The following DOCK1 variants were observed in gnomAD, a reference collection of about 807,000 sequenced individuals.
The protein encoded by DOCK1 is dedicator of cytokinesis protein 1.
Under a neutral mutation model 262.7 loss-of-function variants are expected in DOCK1, and 138 were observed. The observed-to-expected ratio is 0.53, with a 90% CI of 0.46 to 0.61. The LOEUF (loss-of-function observed/expected upper bound fraction) is 0.61. DOCK1 is among the 20% of genes least tolerant of loss of function. The probability of loss-of-function intolerance (pLI) is 0.00; values close to 1 mark genes in which losing one functional copy is unlikely to be tolerated. For missense variants in DOCK1, 1,908 were observed against 2,370.7 expected, an observed-to-expected ratio of 0.80 and a Z score of 4.05; for synonymous variants, 866 against 867.4, an observed-to-expected ratio of 1.00 and a Z score of 0.03.
chr10:127,443,187 C>T (rs2070302189), intron 49 of DOCK1, among the ~76,000 whole-genome samples: 1 of 152,170 alleles, frequency 6.6e-6, no homozygotes, highest in Admixed American at 6.5e-5. Flanking sequence ...CAAATTTGGA[C>T]ACGTCCATGT....
In DOCK1 at chr10:127,069,183, G is replaced by A. The variant is rs149670378; in HGVS notation, c.2445+7407G>A. 3.8e-3 allele frequency among the ~76,000 whole-genome samples: 573 copies of A among 152,256 alleles called. 3 individuals are homozygous for A. The highest frequency in any genetic ancestry group is 0.013 in the African/African-American group (535 of 41,544). On this transcript the variant is annotated intron_variant, in intron 23 of 51. Coordinates refer to ENST00000623213, the MANE Select transcript of DOCK1 (RefSeq NM_001290223.2). ...TGCCTTGGTTTCCACTAGAGCTCCC[G>A]TCTGTTTCTTTTCCACTTCCTTCTA...
At chr10:127,164,626 A>C (rs1164881366) in intron 27 of DOCK1, among the ~76,000 whole-genome samples, 1 of 152,262 alleles carries the variant, frequency 6.6e-6, no homozygotes, top group East Asian at 1.9e-4. Flanking sequence ...AAATACATGC[A>C]GATTTGGACA....
intron 23 of DOCK1, among the ~76,000 whole-genome samples, chr10:127,094,455 T>C (rs927447102): frequency 3.9e-5 from 6 of 152,168 alleles, no homozygotes; most frequent in African/African-American, 1.4e-4. Flanking sequence ...TCCCTTCCCC[T>C]GTCCTGCTCC....
intron 1 of DOCK1, among the ~76,000 whole-genome samples, chr10:126,950,582 G>T (rs2036125806): frequency 6.6e-6 from 1 of 152,136 alleles, no homozygotes. Flanking sequence ...GAGGGACTCT[G>T]CAGCCTTTGT....
intron 43 of DOCK1, among the ~76,000 whole-genome samples, chr10:127,413,598 G>C (rs183470550): frequency 1.9e-3 from 294 of 152,272 alleles, no homozygotes; most frequent in African/African-American, 6.7e-3. Flanking sequence ...CTGACGAGGA[G>C]GAAGATGAGA....
chr10:126,962,753 T>C (rs1460273558), intron 1 of DOCK1, among the ~76,000 whole-genome samples: 1 of 152,244 alleles, frequency 6.6e-6, no homozygotes, highest in Admixed American at 6.5e-5. Context: ...CTTAGCTATC[T>C]TTTCTTTTGT....
intron 23 of DOCK1, 123 bp downstream of exon 23, chr10:127,061,899 A>G (rs951454789): frequency 1.6e-4 from 92 of 559,630 alleles, no homozygotes; most frequent in Non-Finnish European, 2.4e-4. Flanking sequence ...TGTTAATGTC[A>G]GAGATCTCAA....
intron 23 of DOCK1, among the ~76,000 whole-genome samples, chr10:127,083,626 A>T (rs1296057922): frequency 6.6e-6 from 1 of 152,236 alleles, no homozygotes; most frequent in African/African-American, 2.4e-5. Context: ...CCATTTACTC[A>T]TATAAAAGGC....
chr10:127,416,541 C>T (rs1359660638), intron 44 of DOCK1, among the ~76,000 whole-genome samples: 1 of 152,148 alleles, frequency 6.6e-6, no homozygotes, highest in Non-Finnish European at 1.5e-5. Context: ...GCTGCTTTGG[C>T]CATTTTGAAC....
intron 31 of DOCK1, chr10:127,344,156 G>C (rs768781338): frequency 6.4e-6 from 1 of 157,124 alleles, no homozygotes; most frequent in African/African-American, 2.4e-5. Context: ...AGCTATCGGG[G>C]TTCCTTCTTG....
intron 1 of DOCK1, among the ~76,000 whole-genome samples, chr10:126,949,641 C>G (rs897819666): frequency 2.0e-5 from 3 of 152,078 alleles, no homozygotes; most frequent in Admixed American, 1.3e-4. Flanking sequence ...ACTATAAATT[C>G]ATGTTAGACA....
chr10:127,151,583 A>G (rs7916316), intron 27 of DOCK1, among the ~76,000 whole-genome samples: 3,111 of 152,238 alleles, frequency 0.02, 101 homozygotes, highest in African/African-American at 0.072. Context: ...TCTGCAGGCT[A>G]CCGAGGGCCA....
intron 6 of DOCK1, among the ~76,000 whole-genome samples, chr10:126,991,754 C>A (rs1353269489): frequency 6.6e-6 from 1 of 152,120 alleles, no homozygotes; most frequent in Middle Eastern, 3.2e-3. Context: ...ATCTCAAACT[C>A]CCTACCTCAG....
chr10:127,448,437 G>C (rs916053140), intron 51 of DOCK1, among the ~76,000 whole-genome samples: 1 of 152,202 alleles, frequency 6.6e-6, no homozygotes, highest in Non-Finnish European at 1.5e-5. Flanking sequence ...TTCCTCTCCT[G>C]GTTCTCAAGG....
intron 29 of DOCK1, among the ~76,000 whole-genome samples, chr10:127,266,572 G>A (rs1356205719): frequency 6.6e-6 from 1 of 151,938 alleles, no homozygotes; most frequent in African/African-American, 2.4e-5. Context: ...GCATAAAATA[G>A]AGAGGGCACT....
At chr10:127,070,250 CTTTT>C (rs71032535) in intron 23 of DOCK1, among the ~76,000 whole-genome samples, 6 of 92,948 alleles carry the variant, frequency 6.5e-5, no homozygotes, top group African/African-American at 1.7e-4. Flanking sequence ...GAATTTAGCC[CTTTT>C]TTTTTTTTTT....
chr10:126,948,619 G>T (rs1483409925), intron 1 of DOCK1, among the ~76,000 whole-genome samples: 2 of 152,066 alleles, frequency 1.3e-5, no homozygotes, highest in African/African-American at 4.8e-5. Flanking sequence ...AGATGGAGAA[G>T]GAAAGTTTCC....
intron 23 of DOCK1, among the ~76,000 whole-genome samples, chr10:127,070,645 A>G (rs1334390047): frequency 6.6e-6 from 1 of 151,558 alleles, no homozygotes; most frequent in Non-Finnish European, 1.5e-5. Context: ...TGGTGAACAA[A>G]GGACTGGAGA....
intron 1 of DOCK1, among the ~76,000 whole-genome samples, chr10:126,969,360 G>C (rs2037920311): frequency 6.6e-6 from 1 of 152,202 alleles, no homozygotes. Context: ...TGAAATTCTG[G>C]ACTTTACAGC....
Sources: gnomAD v4.1 joint callset for allele counts (sites outside exome capture counted in the v4.1 genomes callset) on GRCh38, gnomAD v4.1.1 for gene constraint, MANE v1.5 for transcripts, NCBI Gene and HGNC (gene_info 2026-07-23, HGNC 2026-07-21) for gene names.